Variants in SELENOP observed in about 807,000 individuals in gnomAD.
SELENOP encodes the protein selenoprotein P, plasma, 1.
In SELENOP, 36 loss-of-function variants were observed where a neutral mutation model predicts 41.0. That is an observed-to-expected ratio of 0.88 (90% CI 0.67 to 1.16). The LOEUF is 1.16. SELENOP is among the 50% of genes most tolerant of loss of function. The pLI, the probability that SELENOP is intolerant of heterozygous loss-of-function variation, is 0.00. For missense variants in SELENOP, 440 were observed against 454.2 expected (o/e 0.97, Z 0.28); for synonymous variants, 144 against 150.8 (o/e 0.95, Z 0.33).
chr5:42,810,849 A>G lies in SELENOP; in HGVS notation c.-14+987T>C, dbSNP rs1760444216. ...CATTTAGGTTTATGATGAAAAAATA[A>G]CCCATTGGCAGAGAGTTGTAGCTTA... is the stretch of plus-strand genomic sequence containing the variant. On this transcript the variant is annotated intron_variant, in intron 1 of 4. Coordinates refer to ENST00000514985, the MANE Select transcript of SELENOP (RefSeq NM_005410.4). 3.6e-6 allele frequency: 3 copies of G among 840,946 alleles called. No homozygotes were observed. The South Asian group carries it at 1.5e-4, about 43-fold the overall frequency. 52.1% of individuals were successfully genotyped at this position (840,946 alleles called of 1,614,324 possible). A position where few individuals can be genotyped will look rare whatever the true frequency, so the allele number is the denominator to read the frequency against.
At position 42,804,345 on chromosome 5, in the gene SELENOP, T is replaced by C. The variant is rs370809707; in HGVS notation, c.534+311A>G. On this transcript the variant is annotated intron_variant, in intron 4 of 4. Coordinates refer to ENST00000514985, the MANE Select transcript of SELENOP (RefSeq NM_005410.4). ...GAGTAGTGGCGGACGCCTGTAGTCC[T>C]AGCTACTCGGGAGACTGAGGCAGGA... Among the ~76,000 whole-genome samples, 252 of 152,140 alleles carry C rather than the reference T, an allele frequency of 1.7e-3. 2 individuals are homozygous for C. Among genetic ancestry groups the C allele is most frequent in the African/African-American group, 4.7e-3 (195 of 41,522 alleles).
chr5:42,805,728 C>T (rs566815942), intron 3 of SELENOP: 3 of 152,132 alleles, frequency 2.0e-5, no homozygotes, highest in African/African-American at 7.2e-5. Context: ...TAGAATTGTA[C>T]AGGATATACA....
rs1760161380 is a variant in SELENOP at position 42,800,589 on chromosome 5, A to G, written c.*131T>C. 14 of 1,134,562 alleles carry G rather than the reference A, an allele frequency of 1.2e-5. No individual in the cohort carries two copies. Among genetic ancestry groups the G allele is most frequent in the South Asian group, 1.1e-4 (6 of 56,392 alleles). 70.3% of individuals were successfully genotyped at this position (1,134,562 alleles called of 1,614,324 possible). On this transcript the variant is annotated 3_prime_UTR_variant, in exon 5 of 5. Coordinates refer to ENST00000514985, the MANE Select transcript of SELENOP (RefSeq NM_005410.4). Reference sequence around the variant, plus strand: ...CATAAAATTTAAAATCTGGAAGCCAATTCAGTAGATTTCTCCATGTTTGCA... The same window carrying G: ...CATAAAATTTAAAATCTGGAAGCCAGTTCAGTAGATTTCTCCATGTTTGCA...
At chr5:42,801,649 G>C (rs1276313561) in intron 4 of SELENOP, 1 of 354,586 alleles carries the variant, frequency 2.8e-6, no homozygotes, top group East Asian at 4.3e-5. Flanking sequence ...GAGCATGGTG[G>C]CTCATGCCTG....
At chr5:42,801,386 C>G (rs539953399) in intron 4 of SELENOP, 55 bp from the exon 5 acceptor site, 1 of 1,303,876 alleles carries the variant, frequency 7.7e-7, no homozygotes, top group East Asian at 2.3e-5. Context: ...AGGAATAATG[C>G]GTGAAAAATG....
intron 2 of SELENOP, 29 bp from the exon 3 acceptor site, chr5:42,807,137 A>G (rs777695634): frequency 4.6e-6 from 5 of 1,088,020 alleles, no homozygotes; most frequent in Non-Finnish European, 6.8e-6. Context: ...AATACATAAA[A>G]TGAATAATCT....
chr5:42,807,101 C>T lies in SELENOP; in HGVS notation c.211G>A (p.Asp71Asn). The change falls in exon 3 of 5, where the codon GAC becomes AAC. Residue 71 changes from aspartate (D) to asparagine (N), a missense_variant. By Grantham distance (23) the Asp-to-Asn change is conservative. Transcript: ENST00000514985. ...LCILQASKLE[D>N]LRVKLKKEGY... ...TCTTTCTTCAGTTTTACTCGCAGGTCTTCTAATCTAAAATATTTGGGAAGA... is the reference window on the plus strand; with the variant it reads ...TCTTTCTTCAGTTTTACTCGCAGGTTTTCTAATCTAAAATATTTGGGAAGA... The T allele has an allele frequency of 7.0e-7, 1 of 1,433,374 alleles. No homozygotes were observed. Among genetic ancestry groups the T allele is most frequent in the Non-Finnish European group, 9.7e-7 (1 of 1,029,736 alleles). 88.8% of individuals were successfully genotyped at this position (1,433,374 alleles called of 1,614,324 possible).
In SELENOP at chr5:42,800,507, A is replaced by C; in HGVS notation, c.*213T>G. On this transcript the variant is annotated 3_prime_UTR_variant, in exon 5 of 5. Transcript: ENST00000514985. ...AAAAGACATATTAACCAAAAGCTGC[A>C]ATCACCTTTCAGTTGCTCCATCATA... 1 of 523,648 alleles carries C rather than the reference A, an allele frequency of 1.9e-6. No homozygotes were observed. Among genetic ancestry groups the C allele is most frequent in the Non-Finnish European group, 3.2e-6 (1 of 310,582 alleles). The allele number at this position is 523,648 out of a possible 1,614,324, so 32.4% of individuals were successfully genotyped here. A position where few individuals can be genotyped will look rare whatever the true frequency, so the allele number is the denominator to read the frequency against.
Position 42,806,909 on chromosome 5 carries a change from G to A in SELENOP, c.403C>T (p.Leu135Phe). 1.2e-6 allele frequency: 2 copies of A among 1,603,708 alleles called. No individual in the cohort carries two copies. Among genetic ancestry groups the A allele is most frequent in the Non-Finnish European group, 1.7e-6 (2 of 1,172,138 alleles). ...TLLNGSKDDF[L>F]IYDRCGRLVY... ...GTATGTACAAACCTATCATATATGAGGAAGTCATCTTTGCTTCCATTTAAA... is the reference window on the plus strand; with the variant it reads ...GTATGTACAAACCTATCATATATGAAGAAGTCATCTTTGCTTCCATTTAAA... Residue 135 changes from leucine to phenylalanine, a missense_variant, in exon 3 of 5, where the codon CTC (leucine) becomes TTC (phenylalanine). Leu to Phe is a conservative substitution (Grantham distance 22, BLOSUM62 0). Transcript: ENST00000514985.
rs940762037 is a variant in SELENOP, at chr5:42,800,733, C to T, written c.1133G>A (p.Sec378Ter). The T allele has an allele frequency of 5.0e-6, 8 of 1,603,906 alleles. No individual in the cohort carries two copies. Among genetic ancestry groups the T allele is most frequent in the Non-Finnish European group, 5.1e-6 (6 of 1,172,758 alleles). ...RUKNQAKKUE[U>*]PSN Reference sequence around the variant, plus strand: ...TATTTTAAATATTTAGTTTGAAGGTCATTCTCACTTTTTTGCCTGATTCTT... The same window carrying T: ...TATTTTAAATATTTAGTTTGAAGGTTATTCTCACTTTTTTGCCTGATTCTT... The change falls in exon 5 of 5, where the codon TGA (selenocysteine) becomes TAA (stop). Residue 378 changes from selenocysteine (U) to a stop codon, truncating the protein, a stop_gained. Coordinates refer to ENST00000514985, the MANE Select transcript of SELENOP (RefSeq NM_005410.4). LOFTEE classifies it high-confidence loss of function.
At chr5:42,807,772 A>ACTT (rs2111644986) in intron 2 of SELENOP, 1 of 155,362 alleles carries the variant, frequency 6.4e-6, no homozygotes, top group African/African-American at 2.4e-5. Context: ...ATAACCCAAG[A>ACTT]CTTTGATAGC....
intron 3 of SELENOP, 44 bp downstream of exon 3, chr5:42,806,852 C>A: frequency 9.0e-7 from 1 of 1,116,896 alleles, no homozygotes; most frequent in Non-Finnish European, 1.3e-6. Flanking sequence ...AGATACGAAA[C>A]AGTTATTTTT....
chr5:42,803,979 T>G (rs28919911), intron 4 of SELENOP, among the ~76,000 whole-genome samples: 4 of 152,330 alleles, frequency 2.6e-5, no homozygotes, highest in Non-Finnish European at 5.9e-5. Context: ...AGCTTTGCTA[T>G]TTTTATGTTC....
chr5:42,807,253 G>A (rs1257584648), intron 2 of SELENOP, 145 bp from the exon 3 acceptor site: 13 of 459,684 alleles, frequency 2.8e-5, no homozygotes, highest in Non-Finnish European at 4.3e-5. Context: ...TTATATTGCT[G>A]TAAAAGATTT....
Position 42,807,076 on chromosome 5 carries a change from T to G in SELENOP, c.236A>C (p.Glu79Ala). 1 of 1,532,398 alleles carries G rather than the reference T, an allele frequency of 6.5e-7. No homozygotes were observed. The highest frequency in any genetic ancestry group is 9.0e-7 in the Non-Finnish European group (1 of 1,112,694). 94.9% of individuals were successfully genotyped at this position (1,532,398 alleles called of 1,614,324 possible). The change falls in exon 3 of 5, where the codon GAA becomes GCA. Residue 79 changes from glutamate to alanine, a missense_variant. Transcript: ENST00000514985. ...AATATAAGAAATATTAGAATATCCT[T>G]CTTTCTTCAGTTTTACTCGCAGGTC... is the stretch of plus-strand genomic sequence containing the variant. ...LEDLRVKLKK[E>A]GYSNISYIVV...
intron 3 of SELENOP, chr5:42,806,692 T>C (rs565304723): frequency 5.0e-6 from 2 of 403,936 alleles, no homozygotes; most frequent in South Asian, 1.0e-4. Flanking sequence ...TATAGTGTCA[T>C]AGAAATTTTT....
In SELENOP at chr5:42,801,330, G is replaced by C. The variant is rs1223855134; in HGVS notation, c.536C>G (p.Thr179Ser). The stretch of plus-strand genomic sequence containing the variant: ...TTTACAAAAGTCTTCATCTTTGAGA[G>C]TCTGGAACAAATTTATAAATCACTT... ...EKKCGNCSLTTLKDEDFCKRV... is the reference protein window; with the variant it reads ...EKKCGNCSLTSLKDEDFCKRV... Residue 179 changes from threonine to serine, a missense_variant and splice_region_variant, in exon 5 of 5, where the codon ACT (threonine) becomes AGT (serine). Physicochemically the swap from Thr to Ser is moderately conservative, Grantham distance 58. Coordinates refer to ENST00000514985, the MANE Select transcript of SELENOP (RefSeq NM_005410.4). 2 of 1,592,950 alleles carry C rather than the reference G, an allele frequency of 1.3e-6. No homozygotes were observed. The highest frequency in any genetic ancestry group is 1.7e-6 in the Non-Finnish European group (2 of 1,171,192).
rs538173084 is a variant in SELENOP, at chr5:42,800,599, T to C, written c.*121A>G. 73 of 1,220,502 alleles carry C rather than the reference T, an allele frequency of 6.0e-5. No individual in the cohort carries two copies. In the African/African-American group the frequency reaches 9.6e-4, roughly 16 times the overall value. 75.6% of individuals were successfully genotyped at this position (1,220,502 alleles called of 1,614,324 possible). On this transcript the variant is annotated 3_prime_UTR_variant, in exon 5 of 5. Coordinates refer to ENST00000514985, the MANE Select transcript of SELENOP (RefSeq NM_005410.4). ...AAAATCTGGAAGCCAATTCAGTAGATTTCTCCATGTTTGCACAAATCTAAT... is the reference window on the plus strand; with the variant it reads ...AAAATCTGGAAGCCAATTCAGTAGACTTCTCCATGTTTGCACAAATCTAAT...
chr5:42,801,319 CATCTTT>C lies in SELENOP; in HGVS notation c.541_546del (p.Lys181_Asp182del). ...AAAGATACACGTTTACAAAAGTCTT[CATCTTT>C]GAGAGTCTGGAACAAATTTATAAAT... On this transcript the variant is annotated inframe_deletion, in exon 5 of 5. Coordinates refer to ENST00000514985, the MANE Select transcript of SELENOP (RefSeq NM_005410.4). 6.2e-7 allele frequency: 1 copy of C among 1,605,950 alleles called. No individual in the cohort carries two copies. Among genetic ancestry groups the C allele is most frequent in the Non-Finnish European group, 8.5e-7 (1 of 1,176,294 alleles).
Sources: gnomAD v4.1 joint callset for allele counts (sites outside exome capture counted in the v4.1 genomes callset) on GRCh38, gnomAD v4.1.1 for gene constraint, MANE v1.5 for transcripts, NCBI Gene and HGNC (gene_info 2026-07-23, HGNC 2026-07-21) for gene names.